PHF12: variants seen among roughly 807,000 people sequenced by gnomAD.
The protein encoded by PHF12 is PHD factor 1.
PHF12 carries 6 observed loss-of-function variants against 99.8 expected under a neutral mutation model. That is an observed-to-expected ratio of 0.06 (90% confidence interval 0.03 to 0.12). PHF12 has a LOEUF of 0.12. Ranked by LOEUF, PHF12 falls within the 10% of genes least tolerant of loss-of-function variation. PHF12 has a pLI of 1.00. For synonymous variants in PHF12, 480 were observed against 514.9 expected (o/e 0.93, Z 0.92); for missense variants, 954 against 1,300.1 (o/e 0.73, Z 4.09).
rs74538728 is a variant in PHF12, at chr17:28,926,343, C to CA, written c.321+647dup. The CA allele has an allele frequency of 4.1e-3, 802 of 193,730 alleles. 46 individuals carry two copies. In the East Asian group the frequency reaches 0.094, roughly 23 times the overall value. The allele number at this position is 193,730 out of a possible 1,614,324, so 12.0% of individuals were successfully genotyped here. On this transcript the variant is annotated intron_variant, in intron 3 of 14. Coordinates refer to ENST00000332830, the MANE Select transcript of PHF12 (RefSeq NM_001033561.2). ...GTGGGGAGCACAGGGGGGTGGATTA[C>CA]AATGCACAGACAAATTCTAATCCAT...
intron 7 of PHF12, among the ~76,000 whole-genome samples, chr17:28,915,087 T>G (rs2040038651): frequency 6.6e-6 from 1 of 152,162 alleles, no homozygotes; most frequent in Non-Finnish European, 1.5e-5. Flanking sequence ...TTATTTTAGT[T>G]TGGGGGACAG....
chr17:28,911,446 TCCAGAGCA>T (rs2039959424), intron 9 of PHF12: 1 of 593,698 alleles, frequency 1.7e-6, no homozygotes, highest in Admixed American at 3.2e-5. Flanking sequence ...CGCAGGAGTC[TCCAGAGCA>T]CTGAGAACCA....
At chr17:28,927,269 C>T (rs893743162) in intron 2 of PHF12, among the ~76,000 whole-genome samples, 4 of 152,092 alleles carry the variant, frequency 2.6e-5, no homozygotes, top group African/African-American at 9.7e-5. Context: ...AGAGAGAAGC[C>T]AAATCCAGAG....
chr17:28,948,735 G>A (rs146722034), intron 2 of PHF12, among the ~76,000 whole-genome samples: 164 of 152,114 alleles, frequency 1.1e-3, no homozygotes, highest in Non-Finnish European at 2.0e-3. Flanking sequence ...AGAGACCTTC[G>A]GTGAAATTTC....
chr17:28,936,181 A>G (rs918263722), intron 2 of PHF12, among the ~76,000 whole-genome samples: 1 of 152,194 alleles, frequency 6.6e-6, no homozygotes, highest in African/African-American at 2.4e-5. Context: ...TCCCTCGCCT[A>G]TTAATACATG....
At chr17:28,944,438 C>G (rs188754728) in intron 2 of PHF12, 2 of 900,946 alleles carry the variant, frequency 2.2e-6, no homozygotes, top group Admixed American at 1.2e-4. Flanking sequence ...CATTTCATAA[C>G]AATTAGCCCC....
intron 3 of PHF12, chr17:28,926,721 A>C: frequency 7.6e-7 from 1 of 1,317,144 alleles, no homozygotes; most frequent in Non-Finnish European, 1.0e-6. Flanking sequence ...TAGGAGGACA[A>C]CAAGAAGGTA....
At chr17:28,944,504 G>A (rs1290118412) in intron 2 of PHF12, 11 of 983,762 alleles carry the variant, frequency 1.1e-5, no homozygotes, top group Middle Eastern at 5.2e-4. Flanking sequence ...GAACATTACC[G>A]TATCTTCCAT....
chr17:28,913,058 A>G lies in PHF12; in HGVS notation c.1513T>C (p.Ser505Pro). 6.2e-7 allele frequency: 1 copy of G among 1,613,916 alleles called. No homozygotes were observed. Among genetic ancestry groups the G allele is most frequent in the African/African-American group, 1.3e-5 (1 of 74,932 alleles). ...SCPSGISTQN[S>P]LSCSPPHQSP... is the part of the protein sequence containing the mutation. The stretch of plus-strand genomic sequence containing the variant: ...TGGTGGGGTGGAGAGCAGCTCAGGG[A>G]ATTCTGGGTGCTAATCCCTGAGGGG... Residue 505 changes from serine to proline, a missense_variant, in exon 9 of 15, where the codon TCC becomes CCC. Transcript: ENST00000332830.
chr17:28,912,582 G>A lies in PHF12; in HGVS notation c.1989C>T (p.Pro663=). 1 of 1,614,228 alleles carries A rather than the reference G, an allele frequency of 6.2e-7. No homozygotes were observed. The change falls in exon 9 of 15, where the codon CCC becomes CCT. Residue 663 remains proline (P), a synonymous_variant. Transcript: ENST00000332830. The part of the protein sequence containing the change: ...PLTDSRPLGS[P]PNATRVLTPP... ...GAGTGAGCACCCGGGTGGCGTTTGG[G>A]GGTGAGCCCAGTGGCCTTGAATCTG...
chr17:28,927,493 C>T (rs955475123), intron 2 of PHF12, among the ~76,000 whole-genome samples: 2 of 152,218 alleles, frequency 1.3e-5, no homozygotes, highest in African/African-American at 4.8e-5. Flanking sequence ...CTAGAATACT[C>T]TTCCTTTAGA....
chr17:28,906,831 G>A lies in PHF12; in HGVS notation c.2680+25C>T, dbSNP rs756042504. The A allele has an allele frequency of 1.9e-6, 3 of 1,572,814 alleles. No individual in the cohort carries two copies. The highest frequency in any genetic ancestry group is 4.5e-5 in the East Asian group (2 of 44,448). On this transcript the variant is annotated intron_variant, in intron 14 of 14. Transcript: ENST00000332830. This position sits in a 1 kb window ranked among gnomAD's most constrained non-coding sequence, Gnocchi z 4.2. ...CCCTGACTGGGGCCTCAGCTTTGTG[G>A]CCACAGATCTCTGCTCCAACTTACT...
At chr17:28,928,040 G>A (rs1168122190) in intron 2 of PHF12, among the ~76,000 whole-genome samples, 1 of 152,222 alleles carries the variant, frequency 6.6e-6, no homozygotes, top group Non-Finnish European at 1.5e-5. Flanking sequence ...GAATTTGGGA[G>A]GTGGAGGTTG....
Position 28,950,654 on chromosome 17 carries a change from G to C in PHF12, c.66+241C>G, listed in dbSNP as rs1030963982. 1.7e-6 allele frequency: 1 copy of C among 579,156 alleles called. No homozygotes were observed. The highest frequency in any genetic ancestry group is 1.9e-5 in the African/African-American group (1 of 52,408). The allele number at this position is 579,156 out of a possible 1,614,324, so 35.9% of individuals were successfully genotyped here. On this transcript the variant is annotated intron_variant, in intron 1 of 14. Coordinates refer to ENST00000332830, the MANE Select transcript of PHF12 (RefSeq NM_001033561.2). This position sits in a 1 kb window ranked among gnomAD's most constrained non-coding sequence, Gnocchi z 5.7. ...GGAGGCCTGCCGGTGCAACGAGATG[G>C]AGTGGGCTGGCGCCTCGGGAGAGCG...
At chr17:28,924,384 T>C in intron 3 of PHF12, 82 bp from the exon 4 acceptor site, 1 of 1,590,382 alleles carries the variant, frequency 6.3e-7, no homozygotes, top group Non-Finnish European at 8.6e-7. Flanking sequence ...GGTAGACCAC[T>C]AATCAAAACT....
intron 5 of PHF12, among the ~76,000 whole-genome samples, chr17:28,919,823 C>G (rs893667495): frequency 1.3e-5 from 2 of 152,184 alleles, no homozygotes; most frequent in Non-Finnish European, 2.9e-5. Flanking sequence ...TCATTATTCT[C>G]TCTTCTAAGA....
At chr17:28,928,713 C>T (rs939526192) in intron 2 of PHF12, among the ~76,000 whole-genome samples, 3 of 151,948 alleles carry the variant, frequency 2.0e-5, no homozygotes, top group East Asian at 1.9e-4. Context: ...ACTCGGGAGG[C>T]GGAAGTTGCA....
chr17:28,905,494 C>A lies in PHF12; in HGVS notation c.*689G>T, dbSNP rs998383081. 1 of 152,416 alleles carries A rather than the reference C, an allele frequency of 6.6e-6. No homozygotes were observed. Among genetic ancestry groups the A allele is most frequent in the Non-Finnish European group, 1.5e-5 (1 of 68,032 alleles). 9.4% of individuals were successfully genotyped at this position (152,416 alleles called of 1,614,324 possible). A position where few individuals can be genotyped will look rare whatever the true frequency, so the allele number is the denominator to read the frequency against. On this transcript the variant is annotated 3_prime_UTR_variant, in exon 15 of 15. Transcript: ENST00000332830. ...ACGCTCTACCACATGTAGTACTGTA[C>A]ACGGTTTTTAAAAACATTGAAAAAA...
chr17:28,924,645 T>A (rs994503598), intron 3 of PHF12: 5 of 351,350 alleles, frequency 1.4e-5, no homozygotes, highest in Non-Finnish European at 2.7e-5. Flanking sequence ...ATAAATTTAG[T>A]GAGACCAATA....
Sources: allele counts gnomAD v4.1 joint callset (sites outside exome capture counted in the v4.1 genomes callset), GRCh38; gene constraint gnomAD v4.1.1; non-coding constraint Gnocchi (gnomAD v3.1); transcripts MANE v1.5; gene names NCBI Gene and HGNC (gene_info 2026-07-23, HGNC 2026-07-21).